Variants in GRIN2B observed in about 807,000 individuals in gnomAD.
GRIN2B encodes glutamate receptor ionotropic, NMDA 2B.
GRIN2B carries 5 observed loss-of-function variants against 114.5 expected under a neutral mutation model. The observed-to-expected ratio is 0.04, with a 90% confidence interval of 0.02 to 0.09. The LOEUF (loss-of-function observed/expected upper bound fraction) is 0.09. GRIN2B is among the 10% of genes least tolerant of loss of function. The pLI, the probability that GRIN2B is intolerant of heterozygous loss-of-function variation, is 1.00. For missense variants in GRIN2B, 1,108 were observed against 1,943.5 expected (o/e 0.57, Z 8.08); for synonymous variants, 787 against 745.1 (o/e 1.06, Z -0.92).
intron 3 of GRIN2B, among the ~76,000 whole-genome samples, chr12:13,777,153 C>T (rs530849563): frequency 5.9e-5 from 9 of 152,206 alleles, no homozygotes; most frequent in African/African-American, 2.2e-4. Flanking sequence ...ATGTTTCAGC[C>T]CACATCCCCT....
In GRIN2B at chr12:13,764,202, G is replaced by C. The variant is rs550919601; in HGVS notation, c.412-10287C>G. On this transcript the variant is annotated intron_variant, in intron 3 of 13. Coordinates refer to ENST00000609686, the MANE Select transcript of GRIN2B (RefSeq NM_000834.5). ...CCATACCAAAAAAAAAAAAAAAAAG[G>C]ATATTAGTTTAGAACGTACAGAATG... Among the ~76,000 whole-genome samples, 55 of 149,018 alleles carry C rather than the reference G, an allele frequency of 3.7e-4. No homozygotes were observed. In the East Asian group the frequency reaches 0.011, roughly 29 times the overall value.
chr12:13,704,555 C>T (rs1950341979), intron 4 of GRIN2B, among the ~76,000 whole-genome samples: 3 of 152,088 alleles, frequency 2.0e-5, no homozygotes. Flanking sequence ...CAGTGCCATC[C>T]CAATCTCTAG....
At chr12:13,594,484 C>G (rs908350384) in intron 10 of GRIN2B, among the ~76,000 whole-genome samples, 1 of 146,410 alleles carries the variant, frequency 6.8e-6, no homozygotes, top group Non-Finnish European at 1.5e-5. Context: ...TGAGAACACA[C>G]GGACACAGGG....
intron 2 of GRIN2B, among the ~76,000 whole-genome samples, chr12:13,878,005 A>G (rs1371828982): frequency 4.1e-5 from 6 of 145,004 alleles, no homozygotes; most frequent in African/African-American, 1.0e-4. Flanking sequence ...CGGAGGTTCC[A>G]ATGAGCCGAG....
intron 2 of GRIN2B, among the ~76,000 whole-genome samples, chr12:13,933,685 C>A (rs531205268): frequency 3.3e-5 from 5 of 152,156 alleles, no homozygotes; most frequent in Non-Finnish European, 5.9e-5. Context: ...GGAAAGGAAA[C>A]CAGGAAAGTA....
At chr12:13,924,044 A>C (rs1866872145) in intron 2 of GRIN2B, among the ~76,000 whole-genome samples, 1 of 152,158 alleles carries the variant, frequency 6.6e-6, no homozygotes, top group Admixed American at 6.5e-5. Flanking sequence ...TTACCCTATA[A>C]AAAACAGAGA....
At chr12:13,672,120 TC>T (rs1269633022) in intron 5 of GRIN2B, among the ~76,000 whole-genome samples, 1 of 152,126 alleles carries the variant, frequency 6.6e-6, no homozygotes, top group African/African-American at 2.4e-5. Context: ...TCACCCAATT[TC>T]TTTTCCAATC....
intron 3 of GRIN2B, among the ~76,000 whole-genome samples, chr12:13,863,783 A>G (rs1219621816): frequency 1.3e-5 from 2 of 152,196 alleles, no homozygotes; most frequent in African/African-American, 2.4e-5. Flanking sequence ...TAGTTTAGGC[A>G]TAACTTTTTC....
intron 2 of GRIN2B, among the ~76,000 whole-genome samples, chr12:13,955,724 T>C (rs1053360940): frequency 6.6e-6 from 1 of 152,036 alleles, no homozygotes; most frequent in Non-Finnish European, 1.5e-5. Context: ...ACTTTGAAAC[T>C]ACAAAACAAG....
chr12:13,579,950 A>G (rs942542239), intron 10 of GRIN2B, among the ~76,000 whole-genome samples: 11 of 152,212 alleles, frequency 7.2e-5, no homozygotes, highest in Admixed American at 7.2e-4. Flanking sequence ...GTTAACATCA[A>G]TTTACACCAG....
chr12:13,647,869 G>GA (rs1321406365), intron 5 of GRIN2B, among the ~76,000 whole-genome samples: 1 of 152,112 alleles, frequency 6.6e-6, no homozygotes, highest in Non-Finnish European at 1.5e-5. Flanking sequence ...CTGGGTTAAT[G>GA]AATCCCGCAG....
intron 3 of GRIN2B, among the ~76,000 whole-genome samples, chr12:13,817,201 A>C (rs1042371823): frequency 6.6e-6 from 1 of 152,162 alleles, no homozygotes; most frequent in Admixed American, 6.5e-5. Flanking sequence ...TGGGCTCTTT[A>C]GCTAGCTTTG....
intron 2 of GRIN2B, among the ~76,000 whole-genome samples, chr12:13,868,833 A>G (rs2136750842): frequency 6.6e-6 from 1 of 152,356 alleles, no homozygotes; most frequent in East Asian, 1.9e-4. Context: ...AGCACTTTAC[A>G]AAGCAATACA....
chr12:13,923,962 C>A (rs919225567), intron 2 of GRIN2B, among the ~76,000 whole-genome samples: 1 of 152,138 alleles, frequency 6.6e-6, no homozygotes, highest in Non-Finnish European at 1.5e-5. Flanking sequence ...AGGCCACTCT[C>A]TTGTAAGGAG....
chr12:13,591,391 T>C (rs566896312), intron 10 of GRIN2B, among the ~76,000 whole-genome samples: 6 of 152,334 alleles, frequency 3.9e-5, no homozygotes, highest in Admixed American at 2.0e-4. Context: ...ATTGAGGATT[T>C]AGCATGCTTG....
At chr12:13,685,106 A>T (rs1477312079) in intron 4 of GRIN2B, among the ~76,000 whole-genome samples, 1 of 152,194 alleles carries the variant, frequency 6.6e-6, no homozygotes, top group Non-Finnish European at 1.5e-5. Context: ...CCTAGGTATG[A>T]TATCAACGGA....
chr12:13,622,092 C>T (rs1949523832), intron 5 of GRIN2B, among the ~76,000 whole-genome samples: 2 of 152,156 alleles, frequency 1.3e-5, no homozygotes, highest in Admixed American at 1.3e-4. Context: ...TCGGTCTCCT[C>T]GGGCTGCCTC....
intron 10 of GRIN2B, among the ~76,000 whole-genome samples, chr12:13,598,710 A>G (rs999463838): frequency 6.6e-6 from 1 of 151,756 alleles, no homozygotes; most frequent in Non-Finnish European, 1.5e-5. Context: ...GAGTAGTGCC[A>G]CACAGGTGGG....
At chr12:13,820,122 A>G (rs1365612429) in intron 3 of GRIN2B, among the ~76,000 whole-genome samples, 1 of 152,188 alleles carries the variant, frequency 6.6e-6, no homozygotes, top group Admixed American at 6.5e-5. Flanking sequence ...AAGAAATGCC[A>G]AAGAGGAAAC....
Sources: gnomAD v4.1 joint callset for allele counts (sites outside exome capture counted in the v4.1 genomes callset) on GRCh38, gnomAD v4.1.1 for gene constraint, MANE v1.5 for transcripts, NCBI Gene and HGNC (gene_info 2026-07-23, HGNC 2026-07-21) for gene names.